The following ROBO2 variants were observed in gnomAD, a reference collection of about 807,000 sequenced individuals.
ROBO2 encodes the protein roundabout guidance receptor 2.
Under a neutral mutation model 160.8 loss-of-function variants are expected in ROBO2, and 53 were observed. The observed-to-expected ratio is 0.33, with a 90% CI of 0.26 to 0.41. The LOEUF (loss-of-function observed/expected upper bound fraction) is 0.41. ROBO2 is among the 10% of genes least tolerant of loss of function. The pLI, the probability that ROBO2 is intolerant of heterozygous loss-of-function variation, is 1.00. For synonymous variants in ROBO2, 664 were observed against 611.7 expected, an observed-to-expected ratio of 1.09 and a Z score of -1.26; for missense variants, 1,577 against 1,722.4, an observed-to-expected ratio of 0.92 and a Z score of 1.49.
At chr3:76,000,255 T>C (rs1441348231) in intron 2 of ROBO2, among the ~76,000 whole-genome samples, 1 of 152,108 alleles carries the variant, frequency 6.6e-6, no homozygotes, top group African/African-American at 2.4e-5. Context: ...TAAGAGAGAA[T>C]TCATGGTTTC....
chr3:77,130,453 AAT>A (rs558580513), intron 2 of ROBO2, among the ~76,000 whole-genome samples: 126 of 152,226 alleles, frequency 8.3e-4, no homozygotes, highest in African/African-American at 2.8e-3. Flanking sequence ...AGCAAAAAAA[AAT>A]AAAGTGAGAA....
intron 2 of ROBO2, among the ~76,000 whole-genome samples, chr3:76,820,636 A>G (rs2066043164): frequency 6.6e-6 from 1 of 152,016 alleles, no homozygotes; most frequent in East Asian, 1.9e-4. Context: ...ATGAGTTTAT[A>G]TCAGGAAATT....
intron 2 of ROBO2, among the ~76,000 whole-genome samples, chr3:76,267,288 G>C (rs1707158195): frequency 6.6e-6 from 1 of 152,072 alleles, no homozygotes; most frequent in African/African-American, 2.4e-5. Flanking sequence ...TAAGATAAAT[G>C]CTTTTATAAA....
intron 2 of ROBO2, among the ~76,000 whole-genome samples, chr3:76,967,266 G>A (rs554543116): frequency 1.3e-4 from 19 of 148,486 alleles, no homozygotes; most frequent in Middle Eastern, 3.4e-3. Flanking sequence ...TCACTCTGTC[G>A]TCCAGTTTGT....
chr3:77,168,298 A>C (rs2079291783), intron 2 of ROBO2, among the ~76,000 whole-genome samples: 1 of 152,168 alleles, frequency 6.6e-6, no homozygotes. Flanking sequence ...GTCTTATGAA[A>C]TCTTGTTATT....
chr3:76,634,291 G>T lies in ROBO2; in HGVS notation c.110-463723G>T, dbSNP rs574896931. Among the ~76,000 whole-genome samples, 3 of 152,282 alleles carry T rather than the reference G, an allele frequency of 2.0e-5. No homozygotes were observed. In the South Asian group the frequency reaches 6.2e-4, roughly 32 times the overall value. Reference sequence around the variant, plus strand: ...CCTCTTCTTAAAAGGACATCAGGCTGGCACAGTGGCTTATGCCTGTAATCC... The same window carrying T: ...CCTCTTCTTAAAAGGACATCAGGCTTGCACAGTGGCTTATGCCTGTAATCC... On this transcript the variant is annotated intron_variant, in intron 2 of 26. Coordinates refer to the ROBO2 transcript ENST00000487694.
intron 2 of ROBO2, among the ~76,000 whole-genome samples, chr3:76,277,191 C>T (rs929712567): frequency 2.0e-5 from 3 of 151,430 alleles, no homozygotes; most frequent in Non-Finnish European, 4.4e-5. Flanking sequence ...TACATAAGCA[C>T]GTAATAGTAA....
chr3:76,803,027 T>G (rs1013685050), intron 2 of ROBO2, among the ~76,000 whole-genome samples: 4 of 152,190 alleles, frequency 2.6e-5, no homozygotes, highest in Non-Finnish European at 4.4e-5. Context: ...TTGGAGATCA[T>G]TTTTGATCTC....
intron 6 of ROBO2, among the ~76,000 whole-genome samples, chr3:77,537,779 T>TGC (rs922987103): frequency 6.6e-6 from 1 of 152,096 alleles, no homozygotes; most frequent in Non-Finnish European, 1.5e-5. Flanking sequence ...AGGAACATCT[T>TGC]AAATGGTGGT....
chr3:77,617,742 G>C, exon 22 of ROBO2: 3 of 1,613,752 alleles, frequency 1.9e-6, no homozygotes, highest in Non-Finnish European at 2.5e-6. Flanking sequence ...GTTGACAAGA[G>C]CCTATCAGTT....
intron 2 of ROBO2, among the ~76,000 whole-genome samples, chr3:76,767,832 A>G (rs922068515): frequency 1.3e-5 from 2 of 151,518 alleles, no homozygotes; most frequent in African/African-American, 2.4e-5. Context: ...AAAGCCATTG[A>G]CGTGCTTACA....
At chr3:77,279,639 T>TGG (rs1308623452) in intron 2 of ROBO2, among the ~76,000 whole-genome samples, 2 of 152,138 alleles carry the variant, frequency 1.3e-5, no homozygotes, top group Non-Finnish European at 2.9e-5. Context: ...ATACACATAC[T>TGG]AACATGTGGA....
chr3:76,476,687 G>C lies in ROBO2; in HGVS notation c.109+539085G>C, dbSNP rs376545975. ...TGAATCTACAAGCCCAGGATTTAAG[G>C]GTCTATTTATAGCTGGACAGAGGGC... On this transcript the variant is annotated intron_variant, in intron 2 of 26. Transcript: ENST00000487694. Among the ~76,000 whole-genome samples the C allele has an allele frequency of 2.5e-4, 38 of 152,186 alleles. 1 individual carries two copies. The highest frequency in any genetic ancestry group is 2.1e-3 in the South Asian group (10 of 4,822).
At chr3:77,605,190 G>GTA (rs1001530969) in intron 20 of ROBO2, among the ~76,000 whole-genome samples, 2 of 148,486 alleles carry the variant, frequency 1.3e-5, no homozygotes, top group Non-Finnish European at 3.0e-5. Flanking sequence ...TATATATATA[G>GTA]TATATATATA....
intron 6 of ROBO2, among the ~76,000 whole-genome samples, chr3:77,539,371 C>G (rs1378883495): frequency 6.6e-6 from 1 of 152,150 alleles, no homozygotes; most frequent in Non-Finnish European, 1.5e-5. Flanking sequence ...AAGGGCGTAT[C>G]AGAATCGGTT....
intron 2 of ROBO2, among the ~76,000 whole-genome samples, chr3:76,304,747 CTTCTTTCTTTCTTTCTTTCT>C (rs1222058179): frequency 7.8e-4 from 79 of 101,692 alleles, no homozygotes; most frequent in African/African-American, 2.2e-3. Context: ...CTTTTCTTTC[CTTCTTTCTTTCTTTCTTTCT>C]TTCTTTCTTT....
intron 2 of ROBO2, among the ~76,000 whole-genome samples, chr3:77,240,434 G>A (rs909807567): frequency 4.6e-5 from 7 of 152,154 alleles, no homozygotes; most frequent in East Asian, 1.9e-4. Flanking sequence ...TGCGATTGCC[G>A]CACACAGCCC....
At chr3:76,710,093 T>A (rs564547625) in intron 2 of ROBO2, among the ~76,000 whole-genome samples, 1 of 151,562 alleles carries the variant, frequency 6.6e-6, no homozygotes, top group Admixed American at 6.6e-5. Flanking sequence ...GGCCTGCCCC[T>A]CTTCCAAACA....
chr3:77,274,751 A>C (rs2059718334), intron 2 of ROBO2, among the ~76,000 whole-genome samples: 2 of 152,106 alleles, frequency 1.3e-5, no homozygotes, highest in Admixed American at 1.3e-4. Flanking sequence ...GCCCTCTGTG[A>C]AGAGTTTAAA....
Sources: allele counts gnomAD v4.1 joint callset (sites outside exome capture counted in the v4.1 genomes callset), GRCh38; gene constraint gnomAD v4.1.1; transcripts MANE v1.5; gene names NCBI Gene and HGNC (gene_info 2026-07-23, HGNC 2026-07-21).